Variants in EFCAB6 observed in about 807,000 individuals in gnomAD.
The protein encoded by EFCAB6 is EF-hand calcium-binding domain-containing protein 6.
EFCAB6 carries 156 observed loss-of-function variants against 169.8 expected under a neutral mutation model. The ratio of observed to expected loss-of-function variants is 0.92; its 90% CI spans 0.81 to 1.05. EFCAB6 has a LOEUF of 1.05. Ranked by LOEUF, EFCAB6 falls within the 50% of genes least tolerant of loss-of-function variation. The pLI is 0.00. For missense variants in EFCAB6, 1,800 were observed against 1,829.1 expected (o/e 0.98, Z 0.29); for synonymous variants, 698 against 676.4 (o/e 1.03, Z -0.50).
chr22:43,787,313 T>C (rs1603374152), intron 2 of EFCAB6, among the ~76,000 whole-genome samples: 1 of 148,822 alleles, frequency 6.7e-6, no homozygotes, highest in Non-Finnish European at 1.5e-5. Flanking sequence ...ATATAGAAAA[T>C]CCTAAGGAAT....
intron 2 of EFCAB6, among the ~76,000 whole-genome samples, chr22:43,788,055 G>A (rs943599657): frequency 6.6e-6 from 1 of 152,090 alleles, no homozygotes; most frequent in Non-Finnish European, 1.5e-5. Context: ...TGGCCCCCTA[G>A]CTCACACCAT....
intron 6 of EFCAB6, among the ~76,000 whole-genome samples, chr22:43,743,851 G>T (rs932907365): frequency 6.6e-6 from 1 of 152,166 alleles, no homozygotes; most frequent in Non-Finnish European, 1.5e-5. Context: ...CTGGATCAAT[G>T]AATAACTGTT....
intron 13 of EFCAB6, among the ~76,000 whole-genome samples, chr22:43,677,117 A>G (rs2057793018): frequency 6.6e-6 from 1 of 152,242 alleles, no homozygotes; most frequent in Non-Finnish European, 1.5e-5. Context: ...TGCATGCACT[A>G]TCTGAAATTG....
At chr22:43,713,241 G>A (rs564196500) in intron 9 of EFCAB6, among the ~76,000 whole-genome samples, 1 of 152,224 alleles carries the variant, frequency 6.6e-6, no homozygotes, top group East Asian at 1.9e-4. Flanking sequence ...CTCTATACGA[G>A]CAGAGATCGT....
At chr22:43,738,504 C>T (rs943538802) in intron 6 of EFCAB6, among the ~76,000 whole-genome samples, 1 of 146,804 alleles carries the variant, frequency 6.8e-6, no homozygotes, top group Non-Finnish European at 1.5e-5. Context: ...CACATATACT[C>T]ACACACACCA....
At chr22:43,706,402 A>C (rs1413221325) in intron 10 of EFCAB6, among the ~76,000 whole-genome samples, 2 of 152,218 alleles carry the variant, frequency 1.3e-5, no homozygotes, top group African/African-American at 4.8e-5. Context: ...TTTCCAGAGC[A>C]CGAATCACAT....
intron 20 of EFCAB6, among the ~76,000 whole-genome samples, chr22:43,624,523 G>A (rs1313548227): frequency 5.9e-5 from 9 of 151,966 alleles, no homozygotes; most frequent in African/African-American, 1.5e-4. Flanking sequence ...TAACACTCCC[G>A]CCTGCCTCTG....
At chr22:43,639,289 T>G (rs1369447862) in intron 17 of EFCAB6, among the ~76,000 whole-genome samples, 2 of 152,240 alleles carry the variant, frequency 1.3e-5, no homozygotes, top group African/African-American at 4.8e-5. Context: ...TGAGAACTTC[T>G]TTTAGCCTTG....
chr22:43,758,794 C>T lies in EFCAB6; in HGVS notation c.441-2962G>A, dbSNP rs553696090. 2.0e-5 allele frequency among the ~76,000 whole-genome samples: 3 copies of T among 152,244 alleles called. No homozygotes were observed. In the East Asian group the frequency reaches 5.8e-4, roughly 29 times the overall value. ...TTTTTGTCTGAAAAATGTCTTTAAC[C>T]CTCAGTTTTTATTTTTAAAATGTTT... On this transcript the variant is annotated intron_variant, in intron 5 of 31. Transcript: ENST00000262726.
intron 22 of EFCAB6, 108 bp downstream of exon 22, chr22:43,608,374 C>T (rs1168775217): frequency 1.6e-5 from 14 of 897,602 alleles, no homozygotes; most frequent in South Asian, 1.3e-4. Flanking sequence ...AGAGAAAATA[C>T]TCCCAGCCCC....
At chr22:43,588,849 C>T (rs151200495) in intron 24 of EFCAB6, among the ~76,000 whole-genome samples, 1 of 151,538 alleles carries the variant, frequency 6.6e-6, no homozygotes, top group African/African-American at 2.4e-5. Flanking sequence ...GGAAAAAGTG[C>T]TATGTAGAAA....
At chr22:43,745,150 T>A (rs1334658421) in intron 6 of EFCAB6, among the ~76,000 whole-genome samples, 2 of 152,252 alleles carry the variant, frequency 1.3e-5, no homozygotes, top group African/African-American at 4.8e-5. Flanking sequence ...ATGCTATTAT[T>A]ACTCCAGAGT....
chr22:43,708,015 C>T (rs2059016203), intron 10 of EFCAB6, among the ~76,000 whole-genome samples: 1 of 143,540 alleles, frequency 7.0e-6, no homozygotes, highest in Admixed American at 7.1e-5. Flanking sequence ...TTAAGGAAAA[C>T]CACTATAAGA....
chr22:43,764,952 A>T (rs1229510365), intron 5 of EFCAB6, among the ~76,000 whole-genome samples: 1 of 152,214 alleles, frequency 6.6e-6, no homozygotes, highest in Non-Finnish European at 1.5e-5. Context: ...AATGTATAAA[A>T]ACCTACAAAT....
At chr22:43,593,066 T>TTA (rs2051688297) in intron 23 of EFCAB6, among the ~76,000 whole-genome samples, 1 of 145,022 alleles carries the variant, frequency 6.9e-6, no homozygotes, top group Non-Finnish European at 1.5e-5. Flanking sequence ...GAGGAGGAGG[T>TTA]AAAAAAAAAA....
intron 17 of EFCAB6, among the ~76,000 whole-genome samples, chr22:43,639,127 C>G (rs1001490965): frequency 1.3e-5 from 2 of 152,168 alleles, no homozygotes; most frequent in Non-Finnish European, 2.9e-5. Context: ...TCCCACAAGA[C>G]AATGCCATGG....
At chr22:43,629,417 T>G (rs548280495) in intron 19 of EFCAB6, among the ~76,000 whole-genome samples, 1 of 152,054 alleles carries the variant, frequency 6.6e-6, no homozygotes, top group Non-Finnish European at 1.5e-5. Flanking sequence ...CTTGACAGGG[T>G]GGTTGCGGGT....
chr22:43,806,506 G>A (rs1386590780), intron 2 of EFCAB6, among the ~76,000 whole-genome samples: 3 of 151,962 alleles, frequency 2.0e-5, no homozygotes, highest in African/African-American at 4.8e-5. Context: ...TCAGCCTCCC[G>A]AAGTGTTGGG....
intron 20 of EFCAB6, among the ~76,000 whole-genome samples, chr22:43,622,908 C>T (rs113273454): frequency 4.6e-5 from 7 of 152,248 alleles, no homozygotes; most frequent in East Asian, 3.9e-4. Context: ...AAGAAGACAA[C>T]GACACCATGC....
Sources: gnomAD v4.1 joint callset for allele counts (sites outside exome capture counted in the v4.1 genomes callset) on GRCh38, gnomAD v4.1.1 for gene constraint, MANE v1.5 for transcripts, NCBI Gene and HGNC (gene_info 2026-07-23, HGNC 2026-07-21) for gene names.